The following ELOVL5 variants were observed in gnomAD, a reference collection of about 807,000 sequenced individuals.
ELOVL5 encodes the protein ELOVL fatty acid elongase 5.
In ELOVL5, 8 loss-of-function variants were observed where a neutral mutation model predicts 38.6. The observed-to-expected ratio is 0.21, with a 90% CI of 0.12 to 0.37. The LOEUF is 0.37. Ranked by LOEUF, ELOVL5 falls within the 10% of genes least tolerant of loss-of-function variation. The pLI, the probability that ELOVL5 is intolerant of heterozygous loss-of-function variation, is 1.00. For synonymous variants in ELOVL5, 127 were observed against 133.7 expected (o/e 0.95, Z 0.34); for missense variants, 280 against 367.8 (o/e 0.76, Z 1.95).
intron 1 of ELOVL5, among the ~76,000 whole-genome samples, chr6:53,323,737 C>G (rs1052663214): frequency 2.0e-5 from 3 of 152,046 alleles, no homozygotes; most frequent in African/African-American, 4.8e-5. Context: ...TGCCCATCAC[C>G]ACACCTGGTT....
At chr6:53,281,049 TAAAG>T (rs1275574233) in intron 3 of ELOVL5, among the ~76,000 whole-genome samples, 1 of 152,008 alleles carries the variant, frequency 6.6e-6, no homozygotes, top group Admixed American at 6.5e-5. Flanking sequence ...TGGAAACACT[TAAAG>T]AAAAAGGAGG....
chr6:53,276,831 A>C (rs1303029854), intron 3 of ELOVL5, among the ~76,000 whole-genome samples: 2 of 151,974 alleles, frequency 1.3e-5, no homozygotes. Context: ...AATTTAGTCC[A>C]ACTTTATCTT....
At chr6:53,272,288 T>C (rs920017050) in intron 6 of ELOVL5, among the ~76,000 whole-genome samples, 4 of 152,234 alleles carry the variant, frequency 2.6e-5, no homozygotes, top group South Asian at 2.1e-4. Context: ...ATCTATAAAA[T>C]AGGGACAATA....
chr6:53,341,814 G>A (rs1237398888), intron 1 of ELOVL5, among the ~76,000 whole-genome samples: 3 of 152,156 alleles, frequency 2.0e-5, no homozygotes, highest in Non-Finnish European at 4.4e-5. Context: ...TTTTTACTAT[G>A]CTAATTAAAT....
chr6:53,305,548 C>T (rs536795218), intron 1 of ELOVL5, among the ~76,000 whole-genome samples: 7 of 151,182 alleles, frequency 4.6e-5, no homozygotes, highest in African/African-American at 1.7e-4. Context: ...AGAGACGCTC[C>T]TCACCTCCCA....
In ELOVL5 at chr6:53,270,660, C is replaced by T. The variant is rs587777670; in HGVS notation, c.689G>A (p.Gly230Asp). ...GTATCCAATCTGGAAATACAACCAA[C>T]CAAGAGGGAATGTGCACGGCCAGAT... ...GVIWPCTFPL[G>D]WLYFQIGYMI... Residue 230 changes from glycine (G) to aspartate (D), a missense_variant, in exon 7 of 8, where the codon GGT becomes GAT. Gly to Asp is a moderately conservative substitution (Grantham distance 94). This residue lies in a region of ELOVL5 where 125 missense variants were observed against 158.9 expected (regional missense o/e 0.79). Coordinates refer to ENST00000304434, the MANE Select transcript of ELOVL5 (RefSeq NM_021814.5). 1.2e-6 allele frequency: 2 copies of T among 1,614,118 alleles called. No homozygotes were observed. The highest frequency in any genetic ancestry group is 1.7e-6 in the Non-Finnish European group (2 of 1,180,020).
At chr6:53,304,772 G>A (rs1378685669) in intron 1 of ELOVL5, among the ~76,000 whole-genome samples, 3 of 152,198 alleles carry the variant, frequency 2.0e-5, no homozygotes, top group Non-Finnish European at 4.4e-5. Context: ...GGATCCCAAC[G>A]CAGAAGAATT....
intron 1 of ELOVL5, among the ~76,000 whole-genome samples, chr6:53,304,092 C>A (rs555073364): frequency 1.3e-5 from 2 of 152,182 alleles, no homozygotes; most frequent in Non-Finnish European, 2.9e-5. Flanking sequence ...TCCTTAGAGT[C>A]CAAACTCTTT....
At chr6:53,277,274 C>A (rs1170167220) in intron 3 of ELOVL5, among the ~76,000 whole-genome samples, 1 of 152,012 alleles carries the variant, frequency 6.6e-6, no homozygotes, top group Non-Finnish European at 1.5e-5. Context: ...TGCCTTCTAT[C>A]TGATTTTTCT....
At chr6:53,283,547 G>T (rs889307769) in intron 3 of ELOVL5, among the ~76,000 whole-genome samples, 6 of 151,938 alleles carry the variant, frequency 3.9e-5, no homozygotes, top group Admixed American at 3.9e-4. Context: ...TCACTGGGGG[G>T]GACAATACTT....
chr6:53,277,321 T>C (rs1427862647), intron 3 of ELOVL5, among the ~76,000 whole-genome samples: 1 of 152,118 alleles, frequency 6.6e-6, no homozygotes, highest in Non-Finnish European at 1.5e-5. Context: ...CCTTCTGCTT[T>C]GTCACCTTCT....
rs1402824107 is a variant in ELOVL5 at position 53,304,911 on chromosome 6, A to G, written c.-8-9204T>C. 5.9e-5 allele frequency among the ~76,000 whole-genome samples: 9 copies of G among 152,110 alleles called. No individual in the cohort carries two copies. In the East Asian group the frequency reaches 1.7e-3, roughly 29 times the overall value. On this transcript the variant is annotated intron_variant, in intron 1 of 7. Coordinates refer to ENST00000304434, the MANE Select transcript of ELOVL5 (RefSeq NM_021814.5). Reference sequence around the variant, plus strand: ...TCTATTCCACAAAACCACCATTGTCATCATGGCCCGTTCTCAATGAGCTGT... The same window carrying G: ...TCTATTCCACAAAACCACCATTGTCGTCATGGCCCGTTCTCAATGAGCTGT...
chr6:53,328,969 A>G (rs1192495268), intron 1 of ELOVL5, among the ~76,000 whole-genome samples: 1 of 152,260 alleles, frequency 6.6e-6, no homozygotes, highest in Non-Finnish European at 1.5e-5. Flanking sequence ...AGTACCTTAC[A>G]GATATGTTCA....
At chr6:53,276,054 T>C in intron 4 of ELOVL5, 125 bp downstream of exon 4, 1 of 651,716 alleles carries the variant, frequency 1.5e-6, no homozygotes, top group East Asian at 2.8e-5. Context: ...GCCTTTTTTA[T>C]TCTTTTAAAA....
At chr6:53,273,912 G>A (rs1766014870) in intron 5 of ELOVL5, among the ~76,000 whole-genome samples, 1 of 152,198 alleles carries the variant, frequency 6.6e-6, no homozygotes. Flanking sequence ...TCAATGTTCA[G>A]TAGGACCACT....
chr6:53,300,649 C>T (rs1411050304), intron 1 of ELOVL5, among the ~76,000 whole-genome samples: 1 of 152,070 alleles, frequency 6.6e-6, no homozygotes, highest in African/African-American at 2.4e-5. Flanking sequence ...GCACAATGGC[C>T]CTGGGGTCAG....
intron 1 of ELOVL5, among the ~76,000 whole-genome samples, chr6:53,325,755 G>A (rs1293421484): frequency 6.6e-6 from 1 of 152,174 alleles, no homozygotes; most frequent in Non-Finnish European, 1.5e-5. Flanking sequence ...GGCAGGAGTG[G>A]GCTGCCACAA....
intron 1 of ELOVL5, among the ~76,000 whole-genome samples, chr6:53,319,990 T>G (rs544721710): frequency 6.6e-6 from 1 of 152,152 alleles, no homozygotes; most frequent in African/African-American, 2.4e-5. Flanking sequence ...TTTGCCCAAG[T>G]CACATAGAGA....
At chr6:53,312,616 A>G (rs1346798625) in intron 1 of ELOVL5, among the ~76,000 whole-genome samples, 1 of 152,192 alleles carries the variant, frequency 6.6e-6, no homozygotes, top group Admixed American at 6.5e-5. Context: ...GCTGGTTGTG[A>G]TATTGTGCTG....
Sources: gnomAD v4.1 joint callset for allele counts (sites outside exome capture counted in the v4.1 genomes callset) on GRCh38, gnomAD v4.1.1 for gene constraint, gnomAD v4.1.1 regional missense constraint, MANE v1.5 for transcripts, NCBI Gene and HGNC (gene_info 2026-07-23, HGNC 2026-07-21) for gene names.